The following KCNQ1 variants were observed in gnomAD, a reference collection of about 807,000 sequenced individuals.
The protein encoded by KCNQ1 is potassium voltage-gated channel subfamily Q member 1.
Under a neutral mutation model 72.4 loss-of-function variants are expected in KCNQ1, and 49 were observed. The observed-to-expected ratio is 0.68, with a 90% CI of 0.54 to 0.86. KCNQ1 has a LOEUF of 0.86. Ranked by LOEUF, KCNQ1 falls within the 40% of genes least tolerant of loss-of-function variation. The pLI, the probability that KCNQ1 is intolerant of heterozygous loss-of-function variation, is 0.00. For missense variants in KCNQ1, 790 were observed against 945.1 expected, an observed-to-expected ratio of 0.84 and a Z score of 2.15; for synonymous variants, 450 against 412.6, an observed-to-expected ratio of 1.09 and a Z score of -1.10.
rs146924273 is a variant in KCNQ1 at position 2,606,302 on chromosome 11, T to G, written c.1393+17448T>G. ...TGGGGTTTTCTGTATACAACATTGA[T>G]ACGGTTTGGATGTTTGGTCCCTCCA... On this transcript the variant is annotated intron_variant, in intron 10 of 15. Transcript: ENST00000155840. 2.3e-3 allele frequency among the ~76,000 whole-genome samples: 349 copies of G among 152,350 alleles called. 2 individuals are homozygous for G. Among genetic ancestry groups the G allele is most frequent in the Non-Finnish European group, 4.3e-3 (293 of 68,038 alleles).
intron 10 of KCNQ1, chr11:2,632,182 CAAAA>C (rs34998500): frequency 2.8e-3 from 865 of 308,474 alleles, no homozygotes; most frequent in Admixed American, 3.4e-3. Context: ...GACTCTGCCT[CAAAA>C]AAAAAAAAAA....
chr11:2,464,436 T>C lies in KCNQ1; in HGVS notation c.386+18952T>C, dbSNP rs1846322866. ...CCCTGGAGTGTCTTCTGGCATCGCA[T>C]GGATGAGAACTCTGAATGAATTGAG... is the stretch of plus-strand genomic sequence containing the variant. On this transcript the variant is annotated intron_variant, in intron 1 of 15. Coordinates refer to ENST00000155840, the MANE Select transcript of KCNQ1 (RefSeq NM_000218.3). This position sits in a 1 kb window ranked among gnomAD's most constrained non-coding sequence, Gnocchi z 5.0. 6.6e-6 allele frequency among the ~76,000 whole-genome samples: 1 copy of C among 152,160 alleles called. No homozygotes were observed. The highest frequency in any genetic ancestry group is 2.4e-5 in the African/African-American group (1 of 41,442).
chr11:2,841,395 C>T (rs1025538408), intron 15 of KCNQ1, among the ~76,000 whole-genome samples: 1 of 152,112 alleles, frequency 6.6e-6, no homozygotes, highest in South Asian at 2.1e-4. Flanking sequence ...AAGCGGGGAA[C>T]AGGTTGGGGG....
At chr11:2,796,883 G>A (rs1204639763) in intron 15 of KCNQ1, among the ~76,000 whole-genome samples, 2 of 152,356 alleles carry the variant, frequency 1.3e-5, no homozygotes, top group East Asian at 1.9e-4. Context: ...TTCGCCATTC[G>A]GTGCCAATAA....
chr11:2,561,422 G>T (rs1365115547), intron 2 of KCNQ1, among the ~76,000 whole-genome samples: 3 of 152,194 alleles, frequency 2.0e-5, no homozygotes, highest in Non-Finnish European at 4.4e-5. Context: ...CGAGGACAAG[G>T]TCGCTTCCCT....
intron 6 of KCNQ1, among the ~76,000 whole-genome samples, chr11:2,581,348 C>G (rs1848495327): frequency 6.6e-6 from 1 of 152,214 alleles, no homozygotes; most frequent in Non-Finnish European, 1.5e-5. Flanking sequence ...GTCTCCGATG[C>G]CCCGCCCACT....
At chr11:2,688,385 A>G in intron 11 of KCNQ1, 1 of 398,722 alleles carries the variant, frequency 2.5e-6, no homozygotes, top group Non-Finnish European at 4.4e-6. Flanking sequence ...GGTTTCAATA[A>G]CTGCCATCCT....
chr11:2,693,128 C>A, intron 11 of KCNQ1: 1 of 398,600 alleles, frequency 2.5e-6, no homozygotes, highest in Non-Finnish European at 4.4e-6. Flanking sequence ...TACTTTCTGT[C>A]AATCACCAGA....
Position 2,745,803 on chromosome 11 carries a change from C to G in KCNQ1, c.1515-23041C>G, listed in dbSNP as rs951447074. Among the ~76,000 whole-genome samples, 1 of 152,262 alleles carries G rather than the reference C, an allele frequency of 6.6e-6. No homozygotes were observed. Among genetic ancestry groups the G allele is most frequent in the Non-Finnish European group, 1.5e-5 (1 of 68,042 alleles). On this transcript the variant is annotated intron_variant, in intron 11 of 15. Coordinates refer to ENST00000155840, the MANE Select transcript of KCNQ1 (RefSeq NM_000218.3). The surrounding 1 kb of genome is among the most constrained non-coding windows in gnomAD (Gnocchi z 6.2). ...CGAGGGCCGCCTTCAGGCCTGAGCCCGGGGCCAGGACCAGGAGCAGGCGGC... is the reference window on the plus strand; with the variant it reads ...CGAGGGCCGCCTTCAGGCCTGAGCCGGGGGCCAGGACCAGGAGCAGGCGGC...
At chr11:2,539,483 C>T (rs1589938457) in intron 2 of KCNQ1, among the ~76,000 whole-genome samples, 1 of 152,176 alleles carries the variant, frequency 6.6e-6, no homozygotes, top group African/African-American at 2.4e-5. Flanking sequence ...GGTGAGAGGC[C>T]CCACAAGCGT....
chr11:2,695,194 A>G lies in KCNQ1; in HGVS notation c.1514+33113A>G, dbSNP rs1416974854. 5.0e-6 allele frequency: 2 copies of G among 398,600 alleles called. No individual in the cohort carries two copies. The highest frequency in any genetic ancestry group is 4.4e-6 in the Non-Finnish European group (1 of 226,072). 24.7% of individuals were successfully genotyped at this position (398,600 alleles called of 1,614,324 possible). A position where few individuals can be genotyped will look rare whatever the true frequency, so the allele number is the denominator to read the frequency against. On this transcript the variant is annotated intron_variant, in intron 11 of 15. Transcript: ENST00000155840. The surrounding 1 kb of genome is among the most constrained non-coding windows in gnomAD (Gnocchi z 5.2). ...TTGATCACAGCCCTCAGCCTATGAA[A>G]CACTGTCACCCTGTAAGGGTCTGCA... is the stretch of plus-strand genomic sequence containing the variant.
At chr11:2,719,640 C>T (rs769481812) in intron 11 of KCNQ1, among the ~76,000 whole-genome samples, 2 of 152,204 alleles carry the variant, frequency 1.3e-5, no homozygotes, top group Non-Finnish European at 2.9e-5. Flanking sequence ...GGCTGGCGAG[C>T]CTTGCTGGTG....
intron 10 of KCNQ1, chr11:2,655,629 T>A: frequency 2.5e-6 from 1 of 398,724 alleles, no homozygotes; most frequent in Non-Finnish European, 4.4e-6. Flanking sequence ...CCTCAAGCCC[T>A]GGCCTGAAAG....
intron 15 of KCNQ1, 119 bp from the exon 16 acceptor site, chr11:2,847,648 T>G: frequency 1.1e-6 from 1 of 912,212 alleles, no homozygotes. Context: ...GCATACAGCA[T>G]GCACTTGCAG....
At chr11:2,773,264 T>G (rs894960749) in intron 12 of KCNQ1, among the ~76,000 whole-genome samples, 3 of 152,096 alleles carry the variant, frequency 2.0e-5, no homozygotes, top group Non-Finnish European at 4.4e-5. Context: ...CATCCCATCT[T>G]GCAGAAAGGA....
chr11:2,608,706 C>T lies in KCNQ1; in HGVS notation c.1393+19852C>T. ...CTTGAACTCCTGGCCACAAGCAATT[C>T]TCGAACTCCTGGCCACAAGCAATTC... On this transcript the variant is annotated intron_variant, in intron 10 of 15. Coordinates refer to ENST00000155840, the MANE Select transcript of KCNQ1 (RefSeq NM_000218.3). The surrounding 1 kb of genome is among the most constrained non-coding windows in gnomAD (Gnocchi z 4.6). The T allele has an allele frequency of 2.6e-6, 1 of 382,532 alleles. No homozygotes were observed. Among genetic ancestry groups the T allele is most frequent in the East Asian group, 3.6e-5 (1 of 28,082 alleles). The allele number at this position is 382,532 out of a possible 1,614,324, so 23.7% of individuals were successfully genotyped here.
intron 2 of KCNQ1, among the ~76,000 whole-genome samples, chr11:2,532,707 C>G (rs1847661752): frequency 6.6e-6 from 1 of 152,130 alleles, no homozygotes; most frequent in Admixed American, 6.5e-5. Flanking sequence ...GGACCCCTCC[C>G]AGGGCTCACA....
At chr11:2,754,703 G>C (rs1316954519) in intron 11 of KCNQ1, among the ~76,000 whole-genome samples, 4 of 152,208 alleles carry the variant, frequency 2.6e-5, no homozygotes, top group African/African-American at 9.7e-5. Flanking sequence ...CTGACTCCAG[G>C]TGGATCTAGG....
At chr11:2,841,772 T>C (rs1438003168) in intron 15 of KCNQ1, among the ~76,000 whole-genome samples, 4 of 152,198 alleles carry the variant, frequency 2.6e-5, no homozygotes, top group Non-Finnish European at 5.9e-5. Flanking sequence ...GCCAGGGACA[T>C]GGCGCCCCTG....
Sources: gnomAD v4.1 joint callset for allele counts (sites outside exome capture counted in the v4.1 genomes callset) on GRCh38, gnomAD v4.1.1 for gene constraint, Gnocchi (gnomAD v3.1) non-coding constraint, MANE v1.5 for transcripts, NCBI Gene and HGNC (gene_info 2026-07-23, HGNC 2026-07-21) for gene names.